The following DRC2 variants were observed in gnomAD, a reference collection of about 807,000 sequenced individuals.
DRC2 encodes dynein regulatory complex subunit 2, also known as coiled-coil domain containing 65.
chr12:48,915,507 ACTT>A, the DRC2 span, among the ~76,000 whole-genome samples: 1 of 151,100 alleles, frequency 6.6e-6, no homozygotes, highest in Admixed American at 6.6e-5. Context: ...TCCCATGTCT[ACTT>A]CTTTCTACAC....
the DRC2 span, among the ~76,000 whole-genome samples, chr12:48,910,201 G>C: frequency 6.6e-6 from 1 of 152,178 alleles, no homozygotes; most frequent in Non-Finnish European, 1.5e-5. Flanking sequence ...TCACTCAATA[G>C]ATCATCAACC....
At chr12:48,911,987 C>T in the DRC2 span, among the ~76,000 whole-genome samples, 3 of 151,578 alleles carry the variant, frequency 2.0e-5, no homozygotes, top group African/African-American at 7.3e-5. Context: ...TGGCTGGGCA[C>T]GGTGGCTCAC....
chr12:48,915,649 G>A, the DRC2 span, among the ~76,000 whole-genome samples: 2 of 151,910 alleles, frequency 1.3e-5, no homozygotes, highest in African/African-American at 4.8e-5. Flanking sequence ...ACGGGGTGGT[G>A]GCCGGGCAGA....
the DRC2 span, chr12:48,918,496 C>A: frequency 2.5e-6 from 4 of 1,609,040 alleles, no homozygotes; most frequent in African/African-American, 5.4e-5. Flanking sequence ...CCTGGAAATA[C>A]TCACTGCTTT....
the DRC2 span, chr12:48,918,429 C>A: frequency 6.2e-7 from 1 of 1,614,036 alleles, no homozygotes; most frequent in South Asian, 1.1e-5. Context: ...GAGAAGAGCT[C>A]CAAAGAGATT....
At chr12:48,914,262 CAA>C in the DRC2 span, 1 of 822,338 alleles carries the variant, frequency 1.2e-6, no homozygotes, top group South Asian at 1.9e-5. Context: ...TTGCTTTACA[CAA>C]GAGTGAGGGG....
chr12:48,908,234 A>G, the DRC2 span, among the ~76,000 whole-genome samples: 1 of 152,108 alleles, frequency 6.6e-6, no homozygotes, highest in Non-Finnish European at 1.5e-5. Flanking sequence ...TAAATTTTTT[A>G]TAGAGATGCA....
the DRC2 span, chr12:48,921,065 A>G: frequency 6.2e-7 from 1 of 1,611,994 alleles, no homozygotes; most frequent in Non-Finnish European, 8.5e-7. Flanking sequence ...AGAAGAGCTT[A>G]CTGAGGAGCT....
chr12:48,919,091 T>C, the DRC2 span, among the ~76,000 whole-genome samples: 2 of 152,194 alleles, frequency 1.3e-5, no homozygotes, highest in African/African-American at 2.4e-5. Context: ...TATTTATGTA[T>C]TTCTACAGAT....
At chr12:48,918,217 G>A in the DRC2 span, 1 of 1,533,522 alleles carries the variant, frequency 6.5e-7, no homozygotes, top group Non-Finnish European at 9.0e-7. Context: ...GCTGGTAGAA[G>A]TGAAAGGGCA....
At chr12:48,910,953 G>T in the DRC2 span, among the ~76,000 whole-genome samples, 78 of 152,298 alleles carry the variant, frequency 5.1e-4, 1 homozygote, top group South Asian at 0.015. Flanking sequence ...GCTGAGGTAG[G>T]AGGATCACCT....
At chr12:48,912,127 G>T in the DRC2 span, among the ~76,000 whole-genome samples, 3 of 152,020 alleles carry the variant, frequency 2.0e-5, no homozygotes, top group Non-Finnish European at 2.9e-5. Context: ...AGGTGTGGTG[G>T]TGTGTGCCTG....
the DRC2 span, chr12:48,914,671 G>A: frequency 9.0e-7 from 1 of 1,110,460 alleles, no homozygotes; most frequent in South Asian, 1.5e-5. Flanking sequence ...GTATCTTGGA[G>A]CATCCCACAT....
At chr12:48,905,196 C>G in the DRC2 span, 8 of 1,225,456 alleles carry the variant, frequency 6.5e-6, no homozygotes, top group Admixed American at 2.4e-5. Flanking sequence ...TCTTAAAGCC[C>G]TCACAAGACA....
chr12:48,906,302 ATTTT>A, the DRC2 span, among the ~76,000 whole-genome samples: 1 of 134,906 alleles, frequency 7.4e-6, no homozygotes. Flanking sequence ...CACCTTATGG[ATTTT>A]TTTTTTTTTT....
chr12:48,917,193 G>C, the DRC2 span: 1 of 1,503,886 alleles, frequency 6.6e-7, no homozygotes, highest in Non-Finnish European at 9.1e-7. Flanking sequence ...GCTCACACCT[G>C]TAATCCCAGC....
At chr12:48,919,193 G>A in the DRC2 span, among the ~76,000 whole-genome samples, 4 of 150,956 alleles carry the variant, frequency 2.6e-5, no homozygotes, top group African/African-American at 4.9e-5. Context: ...GATTAGAGGC[G>A]TGAGCCACCC....
chr12:48,905,992 C>T, the DRC2 span, among the ~76,000 whole-genome samples: 1 of 152,046 alleles, frequency 6.6e-6, no homozygotes, highest in African/African-American at 2.4e-5. Flanking sequence ...AGGATGGTCT[C>T]GATCTCCTGA....
At chr12:48,920,841 C>A in the DRC2 span, 1 of 1,282,772 alleles carries the variant, frequency 7.8e-7, no homozygotes. Context: ...GGATGAGTAG[C>A]TTCCCTGGGT....
Sources: allele counts gnomAD v4.1 joint callset (sites outside exome capture counted in the v4.1 genomes callset), GRCh38; gene constraint gnomAD v4.1.1; transcripts MANE v1.5; gene names NCBI Gene and HGNC (gene_info 2026-07-23, HGNC 2026-07-21).